IHO1: variants seen among roughly 807,000 people sequenced by gnomAD.
IHO1 encodes interactor of HORMAD1 protein 1.
A neutral mutation model predicts 31.0 loss-of-function variants in IHO1; 13 were observed. The ratio of observed to expected loss-of-function variants is 0.42; its 90% CI spans 0.27 to 0.67. The LOEUF is 0.67. IHO1 is among the 30% of genes least tolerant of loss of function. The probability of loss-of-function intolerance (pLI) is 0.24; values close to 1 mark genes in which losing one functional copy is unlikely to be tolerated. For synonymous variants in IHO1, 221 were observed against 248.4 expected, an observed-to-expected ratio of 0.89 and a Z score of 1.04; for missense variants, 599 against 687.5, an observed-to-expected ratio of 0.87 and a Z score of 1.44.
chr3:49,211,640 A>T (rs77155465), intron 1 of IHO1, 126 bp from the exon 2 acceptor site: 1 of 390,240 alleles, frequency 2.6e-6, no homozygotes, highest in South Asian at 3.7e-5. Context: ...AAAAAACAGA[A>T]ATTTTCACTA....
chr3:49,234,471 C>T (rs1457240497), intron 2 of IHO1, among the ~76,000 whole-genome samples: 11 of 152,044 alleles, frequency 7.2e-5, no homozygotes, highest in East Asian at 1.9e-4. Flanking sequence ...TGAGCCACCA[C>T]GCCCAGGCTC....
chr3:49,200,489 A>AAGAG (rs1475605673), intron 1 of IHO1: 1 of 668,922 alleles, frequency 1.5e-6, no homozygotes, highest in Non-Finnish European at 1.8e-6. Context: ...GAAAGAAAGA[A>AAGAG]AGAAAGAAAG....
At chr3:49,197,300 T>TA (rs905290475), upstream of IHO1, among the ~76,000 whole-genome samples, 58 of 151,088 alleles carry the variant, frequency 3.8e-4, no homozygotes, top group African/African-American at 1.4e-3. Context: ...CATTTTTACT[T>TA]AAAAAAAATG....
At position 49,256,868 on chromosome 3, in the gene IHO1, A is replaced by T. The variant is rs774989473; in HGVS notation, c.1371A>T (p.Ile457=). 2 of 1,614,114 alleles carry T rather than the reference A, an allele frequency of 1.2e-6. No homozygotes were observed. Among genetic ancestry groups the T allele is most frequent in the African/African-American group, 2.7e-5 (2 of 74,936 alleles). ...ACAGGGCCCACAGAGGCAGGCTCATAGCCAGCAAGCAAAAACAAATCCCAA... is the reference window on the plus strand; with the variant it reads ...ACAGGGCCCACAGAGGCAGGCTCATTGCCAGCAAGCAAAAACAAATCCCAA... ...KAHRAHRGRL[I]ASKQKQIPIQ... Residue 457 remains isoleucine (I), a synonymous_variant, in exon 8 of 8, where the codon ATA becomes ATT. Transcript: ENST00000452691. This position sits in a 1 kb window ranked among gnomAD's most constrained non-coding sequence, Gnocchi z 4.6.
At chr3:49,233,082 G>A (rs1378919141) in intron 2 of IHO1, among the ~76,000 whole-genome samples, 5 of 152,142 alleles carry the variant, frequency 3.3e-5, no homozygotes, top group African/African-American at 9.7e-5. Flanking sequence ...GCTGCGTAAC[G>A]ATTCCTGTGG....
In IHO1 at chr3:49,256,152, G is replaced by GA. The variant is rs1442044856; in HGVS notation, c.658dup (p.Met220AsnfsTer9). On this transcript the variant is annotated frameshift_variant, in exon 8 of 8. Transcript: ENST00000452691. LOFTEE classifies it low-confidence loss of function (END_TRUNC). The surrounding 1 kb of genome is among the most constrained non-coding windows in gnomAD (Gnocchi z 4.6). ...TCCCCAGAGACAAGGAGAGTTTATA[G>GA]AAATGAAGTCCAACCTGAAGCACCT... 1 of 1,610,810 alleles carries GA rather than the reference G, an allele frequency of 6.2e-7. No homozygotes were observed. Among genetic ancestry groups the GA allele is most frequent in the Non-Finnish European group, 8.5e-7 (1 of 1,178,632 alleles).
At chr3:49,210,322 G>T (rs1326606241) in intron 1 of IHO1, among the ~76,000 whole-genome samples, 1 of 151,454 alleles carries the variant, frequency 6.6e-6, no homozygotes, top group Non-Finnish European at 1.5e-5. Context: ...CTACAGCCTT[G>T]ACCTCTTGGG....
chr3:49,202,604 C>T (rs564733494), intron 1 of IHO1, among the ~76,000 whole-genome samples: 4 of 151,552 alleles, frequency 2.6e-5, no homozygotes, highest in African/African-American at 9.7e-5. Flanking sequence ...TCTCGATCTC[C>T]TGACCTCGTG....
intron 2 of IHO1, chr3:49,214,005 A>G (rs1240826434): frequency 2.6e-6 from 1 of 386,724 alleles, no homozygotes; most frequent in South Asian, 1.8e-5. Context: ...GAGGTACCTC[A>G]TACAGACTCT....
upstream of IHO1, among the ~76,000 whole-genome samples, chr3:49,197,641 G>A (rs1159941483): frequency 3.3e-5 from 5 of 152,074 alleles, no homozygotes; most frequent in African/African-American, 9.7e-5. Flanking sequence ...TTGGGAGGCT[G>A]AGGTGGGTGG....
At chr3:49,220,382 C>T (rs1440741683) in intron 2 of IHO1, among the ~76,000 whole-genome samples, 1 of 152,222 alleles carries the variant, frequency 6.6e-6, no homozygotes, top group Non-Finnish European at 1.5e-5. Context: ...GGTTCTTGGT[C>T]TCGCTGACTT....
chr3:49,250,275 A>C (rs1275625639), intron 6 of IHO1, among the ~76,000 whole-genome samples: 1 of 152,158 alleles, frequency 6.6e-6, no homozygotes, highest in African/African-American at 2.4e-5. Flanking sequence ...TTTTTATACT[A>C]TTATGGTTTT....
intron 3 of IHO1, among the ~76,000 whole-genome samples, chr3:49,238,383 G>A (rs1575582119): frequency 6.6e-6 from 1 of 152,226 alleles, no homozygotes; most frequent in East Asian, 1.9e-4. Context: ...GAGGACCAGA[G>A]AGACCAAATG....
intron 1 of IHO1, among the ~76,000 whole-genome samples, chr3:49,210,005 C>T (rs568830813): frequency 1.1e-4 from 17 of 151,478 alleles, no homozygotes; most frequent in African/African-American, 3.4e-4. Context: ...CATGAGCCAC[C>T]GCACCCAGCC....
chr3:49,256,691 A>G lies in IHO1; in HGVS notation c.1194A>G (p.Ile398Met). 6.2e-7 allele frequency: 1 copy of G among 1,614,254 alleles called. No homozygotes were observed. Among genetic ancestry groups the G allele is most frequent in the Non-Finnish European group, 8.5e-7 (1 of 1,180,046 alleles). Residue 398 changes from isoleucine to methionine, a missense_variant, in exon 8 of 8, where the codon ATA (isoleucine) becomes ATG (methionine). By Grantham distance (10) the Ile-to-Met change is conservative. Transcript: ENST00000452691. The surrounding 1 kb of genome is among the most constrained non-coding windows in gnomAD (Gnocchi z 4.6). Reference sequence around the variant, plus strand: ...CCTCACAGCTCACATCATTGGAGATAAACTTTTCAACCAGCATTAAGAATG... The same window carrying G: ...CCTCACAGCTCACATCATTGGAGATGAACTTTTCAACCAGCATTAAGAATG... ...QGASQLTSLEINFSTSIKNAC... is the reference protein window; with the variant it reads ...QGASQLTSLEMNFSTSIKNAC...
chr3:49,214,628 ATATATTT>A (rs2046265050), intron 2 of IHO1, among the ~76,000 whole-genome samples: 1 of 19,028 alleles, frequency 5.3e-5, no homozygotes, highest in African/African-American at 1.7e-4. Flanking sequence ...ATATATATAT[ATATATTT>A]TTTTTTTTTT....
intron 2 of IHO1, among the ~76,000 whole-genome samples, chr3:49,233,771 T>C (rs192626301): frequency 2.6e-5 from 4 of 152,340 alleles, no homozygotes; most frequent in Non-Finnish European, 5.9e-5. Flanking sequence ...CACTGTGACA[T>C]GTTCATTATG....
upstream of IHO1, among the ~76,000 whole-genome samples, chr3:49,195,364 G>T (rs2045990747): frequency 6.6e-6 from 1 of 151,528 alleles, no homozygotes; most frequent in Non-Finnish European, 1.5e-5. Flanking sequence ...AGAGGTTGCA[G>T]TGAGTTGAGA....
At chr3:49,227,116 T>G (rs1291831611) in intron 2 of IHO1, among the ~76,000 whole-genome samples, 1 of 152,200 alleles carries the variant, frequency 6.6e-6, no homozygotes, top group Non-Finnish European at 1.5e-5. Context: ...GTATTCTCCT[T>G]CAATGAAAAG....
Sources: gnomAD v4.1 joint callset for allele counts (sites outside exome capture counted in the v4.1 genomes callset) on GRCh38, gnomAD v4.1.1 for gene constraint, Gnocchi (gnomAD v3.1) non-coding constraint, MANE v1.5 for transcripts, NCBI Gene and HGNC (gene_info 2026-07-23, HGNC 2026-07-21) for gene names.